PCYOX1: variants seen among roughly 807,000 people sequenced by gnomAD.
PCYOX1 encodes prenylcysteine oxidase 1.
PCYOX1 carries 46 observed loss-of-function variants against 46.4 expected under a neutral mutation model. The ratio of observed to expected loss-of-function variants is 0.99; its 90% CI spans 0.78 to 1.27. The LOEUF (loss-of-function observed/expected upper bound fraction) is 1.27. PCYOX1 is among the 50% of genes most tolerant of loss of function. The pLI, the probability that PCYOX1 is intolerant of heterozygous loss-of-function variation, is 0.00. For missense variants in PCYOX1, 658 were observed against 628.3 expected (o/e 1.05, Z -0.51); for synonymous variants, 220 against 231.8 (o/e 0.95, Z 0.46).
intron 4 of PCYOX1, 37 bp from the exon 5 acceptor site, chr2:70,275,477 A>T (rs749858214): frequency 1.2e-6 from 2 of 1,604,774 alleles, no homozygotes; most frequent in South Asian, 2.2e-5. Context: ...TCTTACAAAA[A>T]GTCAGAATTA....
intron 3 of PCYOX1, among the ~76,000 whole-genome samples, chr2:70,266,890 G>T (rs1009157065): frequency 6.6e-6 from 1 of 152,128 alleles, no homozygotes; most frequent in Non-Finnish European, 1.5e-5. Context: ...GTAACAATCC[G>T]ATCTCTCCTT....
chr2:70,259,652 C>T lies in PCYOX1; in HGVS notation c.319+86C>T, dbSNP rs1696408201. 14 of 1,016,272 alleles carry T rather than the reference C, an allele frequency of 1.4e-5. No individual in the cohort carries two copies. In the South Asian group the frequency reaches 1.7e-4, roughly 12 times the overall value. 63.0% of individuals were successfully genotyped at this position (1,016,272 alleles called of 1,614,324 possible). On this transcript the variant is annotated intron_variant, in intron 2 of 5. Transcript: ENST00000433351. ...TCAGATGGAGAACTGAAATTTCTGCCTTGTTAATTGCCTTACAGAGACGTT... is the reference window on the plus strand; with the variant it reads ...TCAGATGGAGAACTGAAATTTCTGCTTTGTTAATTGCCTTACAGAGACGTT...
intron 3 of PCYOX1, among the ~76,000 whole-genome samples, chr2:70,271,303 G>A (rs1057234330): frequency 7.3e-6 from 1 of 136,602 alleles, no homozygotes; most frequent in South Asian, 2.3e-4. Context: ...AGCAAGTTCT[G>A]TGTTGGCTTC....
At chr2:70,262,366 C>T (rs1284133757) in intron 3 of PCYOX1, among the ~76,000 whole-genome samples, 3 of 151,130 alleles carry the variant, frequency 2.0e-5, no homozygotes, top group South Asian at 2.1e-4. Flanking sequence ...GGGTTTCACC[C>T]TCTTGGCCAG....
intron 3 of PCYOX1, among the ~76,000 whole-genome samples, chr2:70,271,130 T>G (rs1696595184): frequency 6.6e-6 from 1 of 152,006 alleles, no homozygotes; most frequent in Admixed American, 6.6e-5. Flanking sequence ...TGCAGTGGTG[T>G]GATCACAGCT....
In PCYOX1 at chr2:70,277,014, T is replaced by G; in HGVS notation, c.1140T>G (p.Ile380Met). 3 of 1,614,054 alleles carry G rather than the reference T, an allele frequency of 1.9e-6. No homozygotes were observed. The highest frequency in any genetic ancestry group is 2.5e-6 in the Non-Finnish European group (3 of 1,179,890). The change falls in exon 6 of 6, where the codon ATT becomes ATG. Residue 380 changes from isoleucine to methionine, a missense_variant. By Grantham distance (10) the Ile-to-Met change is conservative. Coordinates refer to ENST00000433351, the MANE Select transcript of PCYOX1 (RefSeq NM_016297.4). ...CCACTGATAATTCAGATTTGTTCAT[T>G]AACAGTATTGGGATTGTGCCCTCTG... The part of the protein sequence containing the change: ...VLTTDNSDLF[I>M]NSIGIVPSVR...
chr2:70,268,151 G>C (rs895112026), intron 3 of PCYOX1, among the ~76,000 whole-genome samples: 17 of 152,050 alleles, frequency 1.1e-4, no homozygotes, highest in Non-Finnish European at 1.9e-4. Flanking sequence ...GTGGTAATTT[G>C]TTATAGCAGC....
rs1696651284 is a variant in PCYOX1, at chr2:70,275,080, G to T, written c.616G>T (p.Ala206Ser). The change falls in exon 4 of 6, where the codon GCC (alanine) becomes TCC (serine). Residue 206 changes from alanine to serine, a missense_variant. Coordinates refer to ENST00000433351, the MANE Select transcript of PCYOX1 (RefSeq NM_016297.4). ...NRTLLETLQK[A>S]GFSEKFLNEM... ...AACACTTCTTGAAACCTTGCAAAAG[G>T]CCGGCTTTTCTGAGAAGTTCCTCAA... The T allele has an allele frequency of 6.2e-7, 1 of 1,614,092 alleles. No homozygotes were observed. The highest frequency in any genetic ancestry group is 1.3e-5 in the African/African-American group (1 of 75,054).
At chr2:70,265,363 TA>T (rs1454581437) in intron 3 of PCYOX1, among the ~76,000 whole-genome samples, 1 of 151,978 alleles carries the variant, frequency 6.6e-6, no homozygotes, top group Non-Finnish European at 1.5e-5. Flanking sequence ...GCTAATTTTT[TA>T]AATTTTTGTA....
At position 70,275,601 on chromosome 2, in the gene PCYOX1, C is replaced by T; in HGVS notation, c.794C>T (p.Ser265Phe). The T allele has an allele frequency of 6.2e-7, 1 of 1,613,930 alleles. No individual in the cohort carries two copies. Among genetic ancestry groups the T allele is most frequent in the Admixed American group, 1.7e-5 (1 of 60,012 alleles). ...KLVCSGLLQA[S>F]KSNLISGSVM... ...GTTTGCTCAGGGCTTCTGCAGGCAT[C>T]CAAAAGCAATCTTATATCTGGCTCA... Residue 265 changes from serine (S) to phenylalanine (F), a missense_variant, in exon 5 of 6, where the codon TCC (serine) becomes TTC (phenylalanine). Ser to Phe is a radical substitution (Grantham distance 155). Coordinates refer to ENST00000433351, the MANE Select transcript of PCYOX1 (RefSeq NM_016297.4).
rs1218616506 is a variant in PCYOX1 at position 70,280,821 on chromosome 2, G to A, written c.*3429G>A. ...ATATCTATGAGCCATTGTGTTTGGTGTTTTACAAGAACTTTACCATACTGG... is the reference window on the plus strand; with the variant it reads ...ATATCTATGAGCCATTGTGTTTGGTATTTTACAAGAACTTTACCATACTGG... On this transcript the variant is annotated 3_prime_UTR_variant, in exon 6 of 6. Transcript: ENST00000433351. 1.3e-5 allele frequency: 2 copies of A among 152,196 alleles called. No homozygotes were observed. The highest frequency in any genetic ancestry group is 3.9e-4 in the East Asian group (2 of 5,186). 9.4% of individuals were successfully genotyped at this position (152,196 alleles called of 1,614,324 possible).
intron 3 of PCYOX1, among the ~76,000 whole-genome samples, chr2:70,268,052 A>T (rs1425644922): frequency 1.3e-5 from 2 of 151,576 alleles, no homozygotes. Flanking sequence ...CTCGTGATCC[A>T]CCCGCCTCAG....
Position 70,258,193 on chromosome 2 carries a change from C to G in PCYOX1, c.29C>G (p.Ser10Cys), listed in dbSNP as rs779635667. The G allele has an allele frequency of 1.3e-6, 2 of 1,598,554 alleles. No individual in the cohort carries two copies. The highest frequency in any genetic ancestry group is 1.4e-5 in the African/African-American group (1 of 73,298). Residue 10 changes from serine (S) to cysteine (C), a missense_variant, in exon 1 of 6, where the codon TCC becomes TGC. By Grantham distance (112) the Ser-to-Cys change is moderately radical (BLOSUM62 -1). Coordinates refer to ENST00000433351, the MANE Select transcript of PCYOX1 (RefSeq NM_016297.4). Reference protein sequence around the residue: MGRVVAELVSSLLGLWLLLC... With the variant: MGRVVAELVCSLLGLWLLLC... ...GGGCGCGTCGTCGCGGAGCTCGTCT[C>G]CTCGCTGCTGGGGTTGTGGCTGTTG...
intron 3 of PCYOX1, among the ~76,000 whole-genome samples, chr2:70,272,687 T>C (rs57168128): frequency 0.02 from 3,014 of 151,048 alleles, 89 homozygotes; most frequent in African/African-American, 0.069. Flanking sequence ...GTATTTATTC[T>C]GTTTTTTCAT....
At position 70,259,542 on chromosome 2, in the gene PCYOX1, A is replaced by G; in HGVS notation, c.295A>G (p.Met99Val). 2 of 1,613,992 alleles carry G rather than the reference A, an allele frequency of 1.2e-6. No individual in the cohort carries two copies. Among genetic ancestry groups the G allele is most frequent in the South Asian group, 1.1e-5 (1 of 91,078 alleles). ...TGTCATCCATCCTTTAAATCTGCAC[A>G]TGAAACGTTTTGTCAAAGACCTGGG... ...GSVIHPLNLH[M>V]KRFVKDLGLS... Residue 99 changes from methionine to valine, a missense_variant, in exon 2 of 6, where the codon ATG becomes GTG. Physicochemically the swap from Met to Val is conservative, Grantham distance 21. Coordinates refer to ENST00000433351, the MANE Select transcript of PCYOX1 (RefSeq NM_016297.4).
At chr2:70,261,810 C>G (rs1367073566) in intron 3 of PCYOX1, among the ~76,000 whole-genome samples, 1 of 152,136 alleles carries the variant, frequency 6.6e-6, no homozygotes, top group Non-Finnish European at 1.5e-5. Flanking sequence ...CACTCTTAAT[C>G]TCTATGCTGT....
intron 3 of PCYOX1, among the ~76,000 whole-genome samples, chr2:70,270,636 TCTC>T (rs1295662146): frequency 2.0e-5 from 3 of 152,248 alleles, no homozygotes; most frequent in Non-Finnish European, 4.4e-5. Flanking sequence ...TGCATCCTCA[TCTC>T]CTTCGGGTCT....
chr2:70,267,286 G>A (rs1696540178), intron 3 of PCYOX1, among the ~76,000 whole-genome samples: 1 of 151,662 alleles, frequency 6.6e-6, no homozygotes, highest in Non-Finnish European at 1.5e-5. Flanking sequence ...CCGGGAAGAG[G>A]CGCTCCTCAC....
chr2:70,272,125 ATT>A (rs553647193), intron 3 of PCYOX1, among the ~76,000 whole-genome samples: 19 of 133,612 alleles, frequency 1.4e-4, no homozygotes, highest in Non-Finnish European at 1.8e-4. Flanking sequence ...CTAATTTTTA[ATT>A]TTTTTTTTTT....
Sources: gnomAD v4.1 joint callset for allele counts (sites outside exome capture counted in the v4.1 genomes callset) on GRCh38, gnomAD v4.1.1 for gene constraint, MANE v1.5 for transcripts, NCBI Gene and HGNC (gene_info 2026-07-23, HGNC 2026-07-21) for gene names.